DLG2: variants seen among roughly 807,000 people sequenced by gnomAD.
DLG2 encodes disks large homolog 2.
In DLG2, 45 loss-of-function variants were observed where a neutral mutation model predicts 132.5. That is an observed-to-expected ratio of 0.34 (90% CI 0.27 to 0.44). DLG2 has a LOEUF of 0.44. DLG2 is among the 20% of genes least tolerant of loss of function. The pLI is 1.00. For missense variants in DLG2, 1,045 were observed against 1,196.9 expected, an observed-to-expected ratio of 0.87 and a Z score of 1.87; for synonymous variants, 424 against 419.6, an observed-to-expected ratio of 1.01 and a Z score of -0.13.
At chr11:85,454,178 C>A (rs1016994048) in intron 3 of DLG2, among the ~76,000 whole-genome samples, 1 of 150,712 alleles carries the variant, frequency 6.6e-6, no homozygotes, top group Non-Finnish European at 1.5e-5. Flanking sequence ...TATAAGCATT[C>A]CCCTTTCTCC....
At chr11:84,088,790 C>A (rs2097037941) in intron 10 of DLG2, among the ~76,000 whole-genome samples, 1 of 152,080 alleles carries the variant, frequency 6.6e-6, no homozygotes, top group Admixed American at 6.5e-5. Context: ...AAGAATGAGT[C>A]CATTGAGATT....
intron 11 of DLG2, among the ~76,000 whole-genome samples, chr11:84,046,399 G>A (rs1055116462): frequency 1.3e-5 from 2 of 151,418 alleles, no homozygotes; most frequent in African/African-American, 4.8e-5. Context: ...ACATTCAGTT[G>A]ATTCAAATAA....
intron 15 of DLG2, among the ~76,000 whole-genome samples, chr11:83,924,993 C>G (rs763150672): frequency 2.0e-5 from 3 of 152,072 alleles, no homozygotes; most frequent in Non-Finnish European, 4.4e-5. Flanking sequence ...GCAGAAGGAA[C>G]AGTCTGAGGT....
intron 7 of DLG2, among the ~76,000 whole-genome samples, chr11:84,313,946 T>A (rs17566512): frequency 6.6e-6 from 1 of 152,136 alleles, no homozygotes; most frequent in South Asian, 2.1e-4. Context: ...CAGATCCAAA[T>A]GGAATGAAAA....
At chr11:83,668,876 T>TC (rs2076336628) in intron 18 of DLG2, among the ~76,000 whole-genome samples, 1 of 148,980 alleles carries the variant, frequency 6.7e-6, no homozygotes, top group South Asian at 2.1e-4. Flanking sequence ...TATTTTTTTT[T>TC]TATGATAGAC....
chr11:84,561,525 T>C (rs968950066), intron 6 of DLG2, among the ~76,000 whole-genome samples: 2 of 152,128 alleles, frequency 1.3e-5, no homozygotes, highest in Non-Finnish European at 2.9e-5. Context: ...AAGTCTGACT[T>C]GCCCACCAGA....
intron 21 of DLG2, among the ~76,000 whole-genome samples, chr11:83,507,912 G>A (rs1343621363): frequency 6.6e-6 from 1 of 151,144 alleles, no homozygotes; most frequent in African/African-American, 2.4e-5. Context: ...TAAAGAACAT[G>A]GAGTCAGATG....
intron 7 of DLG2, among the ~76,000 whole-genome samples, chr11:84,502,176 T>TTTCCCTCTCTCTCTCTCTCTC (rs1567802291): frequency 3.9e-5 from 1 of 25,592 alleles, no homozygotes. Context: ...CTCTCTCTCT[T>TTTCCCTCTCTCTCTCTCTCTC]TCTCTCTCTT....
chr11:84,169,190 T>C (rs550201237), intron 8 of DLG2, among the ~76,000 whole-genome samples: 63 of 152,338 alleles, frequency 4.1e-4, no homozygotes, highest in African/African-American at 1.5e-3. Flanking sequence ...ATATGAATTA[T>C]CACACATCTT....
intron 19 of DLG2, among the ~76,000 whole-genome samples, chr11:83,616,938 TA>T (rs1343624743): frequency 2.6e-5 from 4 of 152,184 alleles, no homozygotes; most frequent in Non-Finnish European, 5.9e-5. Context: ...ACTTTTGTCA[TA>T]AAATCAAGAG....
intron 6 of DLG2, among the ~76,000 whole-genome samples, chr11:84,650,895 ATATAT>A (rs1565561780): frequency 1.4e-5 from 2 of 146,446 alleles, no homozygotes; most frequent in African/African-American, 5.0e-5. Context: ...ATATATATAT[ATATAT>A]AAAATTTTTG....
chr11:84,118,826 C>T (rs564209860), intron 9 of DLG2, among the ~76,000 whole-genome samples: 21 of 152,270 alleles, frequency 1.4e-4, no homozygotes, highest in African/African-American at 4.6e-4. Context: ...TCTTCCTACA[C>T]TGAAGTCCAA....
intron 6 of DLG2, among the ~76,000 whole-genome samples, chr11:84,917,823 A>G (rs938290396): frequency 1.3e-5 from 2 of 152,136 alleles, no homozygotes; most frequent in African/African-American, 4.8e-5. Flanking sequence ...TGGTGTCCAA[A>G]TGGCTCACAA....
At chr11:83,885,532 T>G (rs930090320) in intron 15 of DLG2, among the ~76,000 whole-genome samples, 3 of 152,168 alleles carry the variant, frequency 2.0e-5, no homozygotes, top group Admixed American at 6.5e-5. Context: ...CTACAGGATA[T>G]TATCCAGGAG....
intron 16 of DLG2, among the ~76,000 whole-genome samples, chr11:83,837,430 A>G (rs2056492282): frequency 6.6e-6 from 1 of 152,134 alleles, no homozygotes; most frequent in Admixed American, 6.5e-5. Context: ...AGCCTAGTGG[A>G]AGAAGTGTAA....
intron 7 of DLG2, among the ~76,000 whole-genome samples, chr11:84,503,906 A>G (rs1271998280): frequency 6.6e-6 from 1 of 152,096 alleles, no homozygotes; most frequent in Non-Finnish European, 1.5e-5. Context: ...TAGCTTCACA[A>G]GCACTGTGTA....
chr11:84,111,782 C>T (rs1427230817), intron 9 of DLG2, among the ~76,000 whole-genome samples: 1 of 152,178 alleles, frequency 6.6e-6, no homozygotes, highest in Non-Finnish European at 1.5e-5. Flanking sequence ...GTGCCATATA[C>T]ATGGGGAACA....
intron 7 of DLG2, among the ~76,000 whole-genome samples, chr11:84,352,604 C>T (rs777159624): frequency 6.6e-6 from 1 of 152,108 alleles, no homozygotes; most frequent in Admixed American, 6.5e-5. Flanking sequence ...AAGGAGCTGC[C>T]ATTTTGTAAT....
chr11:84,756,753 T>C (rs547195138), intron 6 of DLG2, among the ~76,000 whole-genome samples: 2 of 152,196 alleles, frequency 1.3e-5, no homozygotes, highest in African/African-American at 4.8e-5. Context: ...TTTTTGTGAT[T>C]TTTTTTAATT....
Sources: gnomAD v4.1 joint callset for allele counts (sites outside exome capture counted in the v4.1 genomes callset) on GRCh38, gnomAD v4.1.1 for gene constraint, MANE v1.5 for transcripts, NCBI Gene and HGNC (gene_info 2026-07-23, HGNC 2026-07-21) for gene names.